The following CACHD1 variants were observed in gnomAD, a reference collection of about 807,000 sequenced individuals.
The protein encoded by CACHD1 is cache domain containing 1.
In CACHD1, 71 loss-of-function variants were observed where a neutral mutation model predicts 138.7. The ratio of observed to expected loss-of-function variants is 0.51; its 90% CI spans 0.42 to 0.62. The LOEUF is 0.62. Ranked by LOEUF, CACHD1 falls within the 20% of genes least tolerant of loss-of-function variation. CACHD1 has a pLI of 0.00. For missense variants in CACHD1, 1,389 were observed against 1,625.3 expected, an observed-to-expected ratio of 0.85 and a Z score of 2.50; for synonymous variants, 578 against 591.5, an observed-to-expected ratio of 0.98 and a Z score of 0.33.
At chr1:64,648,151 T>C (rs1648974822) in intron 9 of CACHD1, 117 bp downstream of exon 9, 1 of 748,242 alleles carries the variant, frequency 1.3e-6, no homozygotes, top group Admixed American at 2.3e-5. Context: ...GTCCTATATC[T>C]CTGTATTGTA....
At chr1:64,572,992 C>T (rs1646938184) in intron 2 of CACHD1, among the ~76,000 whole-genome samples, 1 of 152,192 alleles carries the variant, frequency 6.6e-6, no homozygotes, top group Non-Finnish European at 1.5e-5. Flanking sequence ...TGAGTAATTT[C>T]ATGAGGCCCA....
intron 9 of CACHD1, among the ~76,000 whole-genome samples, chr1:64,649,604 G>A (rs190000342): frequency 2.6e-5 from 4 of 152,188 alleles, no homozygotes; most frequent in East Asian, 3.9e-4. Flanking sequence ...AGTAATTCCC[G>A]TTAATACTGT....
At chr1:64,616,789 G>A (rs1372463499) in intron 4 of CACHD1, among the ~76,000 whole-genome samples, 3 of 151,924 alleles carry the variant, frequency 2.0e-5, no homozygotes, top group Non-Finnish European at 2.9e-5. Context: ...CCTGGGACCA[G>A]ACCATTAAGG....
rs147728747 is a variant in CACHD1 at position 64,679,600 on chromosome 1, G to A, written c.3250G>A (p.Glu1084Lys). 6.9e-5 allele frequency: 112 copies of A among 1,614,066 alleles called. No individual in the cohort carries two copies. In the African/African-American group the frequency reaches 1.3e-3, roughly 18 times the overall value. ...YVDDMGAIGD[E>K]VITLNMIKSA... The stretch of plus-strand genomic sequence containing the variant: ...TTCTTGCTCTTTCACTGAAGGTGAT[G>A]AGGTGATCACATTAAACATGATTAA... Residue 1084 changes from glutamate to lysine, a missense_variant, in exon 24 of 27, where the codon GAG (glutamate) becomes AAG (lysine). Transcript: ENST00000651257.
intron 1 of CACHD1, among the ~76,000 whole-genome samples, chr1:64,476,841 C>G (rs1040401762): frequency 1.3e-5 from 2 of 152,174 alleles, no homozygotes; most frequent in African/African-American, 4.8e-5. Context: ...TAACATGTTG[C>G]TGCTATTTCT....
At chr1:64,519,632 T>C (rs305571) in intron 1 of CACHD1, among the ~76,000 whole-genome samples, 146,003 of 152,300 alleles carry the variant, frequency 0.96, 70,014 homozygotes, top group African/African-American at 0.99. Context: ...TGAGCAGTTC[T>C]AGTTCACCAG....
At chr1:64,567,550 C>T (rs376302383) in intron 2 of CACHD1, among the ~76,000 whole-genome samples, 1 of 152,054 alleles carries the variant, frequency 6.6e-6, no homozygotes, top group African/African-American at 2.4e-5. Context: ...AGTTCTTCGC[C>T]TCATTTTGAG....
chr1:64,473,261 A>T (rs1186391946), intron 1 of CACHD1, among the ~76,000 whole-genome samples: 3 of 152,080 alleles, frequency 2.0e-5, no homozygotes, highest in Non-Finnish European at 2.9e-5. Flanking sequence ...TTGATCTGCC[A>T]CTTGCTTCTA....
Position 64,470,915 on chromosome 1 carries a change from C to CGAG in CACHD1, c.175_177dup (p.Glu59dup). On this transcript the variant is annotated inframe_insertion, in exon 1 of 27. Transcript: ENST00000651257. The surrounding 1 kb of genome is among the most constrained non-coding windows in gnomAD (Gnocchi z 5.2). ...CGAGCCAGATGCGGAGGCTGGCGGC[C>CGAG]GAGGAGCTGGGGGTCGTCACCATGC... 1 of 1,607,628 alleles carries CGAG rather than the reference C, an allele frequency of 6.2e-7. No homozygotes were observed. Among genetic ancestry groups the CGAG allele is most frequent in the Non-Finnish European group, 8.5e-7 (1 of 1,177,028 alleles).
In CACHD1 at chr1:64,509,762, C is replaced by T. The variant is rs150602207; in HGVS notation, c.198+38820C>T. On this transcript the variant is annotated intron_variant, in intron 1 of 26. Coordinates refer to ENST00000651257, the MANE Select transcript of CACHD1 (RefSeq NM_020925.4). Reference sequence around the variant, plus strand: ...CTAGATACCTATTTTAATATTGTGACATTTGCATCCCTTCTCAGTTTATTA... The same window carrying T: ...CTAGATACCTATTTTAATATTGTGATATTTGCATCCCTTCTCAGTTTATTA... 6.2e-3 allele frequency among the ~76,000 whole-genome samples: 940 copies of T among 152,214 alleles called. 1 individual carries two copies. Among genetic ancestry groups the T allele is most frequent in the Non-Finnish European group, 9.5e-3 (643 of 68,022 alleles).
At chr1:64,604,054 T>C (rs988321434) in intron 4 of CACHD1, among the ~76,000 whole-genome samples, 5 of 152,138 alleles carry the variant, frequency 3.3e-5, no homozygotes, top group African/African-American at 1.2e-4. Context: ...TGTAGACACA[T>C]AAAGCCGAAG....
At chr1:64,637,325 T>C (rs1233781835) in intron 7 of CACHD1, among the ~76,000 whole-genome samples, 1 of 152,226 alleles carries the variant, frequency 6.6e-6, no homozygotes, top group Non-Finnish European at 1.5e-5. Context: ...CATGGTCACA[T>C]GGACACATGC....
chr1:64,601,320 C>G (rs1388750700), intron 3 of CACHD1, among the ~76,000 whole-genome samples: 1 of 152,168 alleles, frequency 6.6e-6, no homozygotes, highest in Non-Finnish European at 1.5e-5. Flanking sequence ...GTGATAGTGC[C>G]TTGCCAGCAT....
rs114398878 is a variant in CACHD1, at chr1:64,652,932, A to G, written c.1540+622A>G. Among the ~76,000 whole-genome samples, 721 of 152,328 alleles carry G rather than the reference A, an allele frequency of 4.7e-3. 8 individuals are homozygous for G. Among genetic ancestry groups the G allele is most frequent in the African/African-American group, 0.016 (673 of 41,570 alleles). The stretch of plus-strand genomic sequence containing the variant: ...CCAAAGGAATGTCAATCGTTCTCTC[A>G]TAAAGACACCTGTATGTTCATTGCA... On this transcript the variant is annotated intron_variant, in intron 10 of 26. Transcript: ENST00000651257.
At position 64,675,956 on chromosome 1, in the gene CACHD1, C is replaced by T; in HGVS notation, c.2948C>T (p.Thr983Ile). ...CECPLEVNEC[T>I]GNLTNAENRN... is the part of the protein sequence containing the mutation. Reference sequence around the variant, plus strand: ...TGCCCTCTAGAGGTCAATGAGTGCACTGGCAACCTCACCAATGCAGAGAAC... The same window carrying T: ...TGCCCTCTAGAGGTCAATGAGTGCATTGGCAACCTCACCAATGCAGAGAAC... Residue 983 changes from threonine (T) to isoleucine (I), a missense_variant, in exon 21 of 27, where the codon ACT becomes ATT. By Grantham distance (89) the Thr-to-Ile change is moderately conservative. Coordinates refer to ENST00000651257, the MANE Select transcript of CACHD1 (RefSeq NM_020925.4). 2 of 1,449,280 alleles carry T rather than the reference C, an allele frequency of 1.4e-6. No homozygotes were observed. The highest frequency in any genetic ancestry group is 1.8e-6 in the Non-Finnish European group (2 of 1,087,702). The allele number at this position is 1,449,280 out of a possible 1,614,324, so 89.8% of individuals were successfully genotyped here.
At chr1:64,537,265 A>G (rs1317276606) in intron 1 of CACHD1, among the ~76,000 whole-genome samples, 2 of 10,006 alleles carry the variant, frequency 2.0e-4, no homozygotes, top group Non-Finnish European at 1.5e-3. Context: ...CCCTGCCCAG[A>G]AAAAAAAAAA....
At chr1:64,689,283 A>C (rs1286424952) in intron 26 of CACHD1, among the ~76,000 whole-genome samples, 1 of 152,196 alleles carries the variant, frequency 6.6e-6, no homozygotes, top group African/African-American at 2.4e-5. Flanking sequence ...AGCTGTGCAT[A>C]AACAAAATGT....
chr1:64,633,068 G>A lies in CACHD1; in HGVS notation c.789+325G>A, dbSNP rs919552531. Among the ~76,000 whole-genome samples the A allele has an allele frequency of 6.6e-5, 10 of 152,204 alleles. No homozygotes were observed. In the Middle Eastern group the frequency reaches 0.014, roughly 208 times the overall value. ...GTACACTGCAGAATACTATATCAGC[G>A]GTTCTCCTTTATGATTGCATGGCTG... is the stretch of plus-strand genomic sequence containing the variant. On this transcript the variant is annotated intron_variant, in intron 6 of 26. Coordinates refer to ENST00000651257, the MANE Select transcript of CACHD1 (RefSeq NM_020925.4).
intron 2 of CACHD1, among the ~76,000 whole-genome samples, chr1:64,554,809 CAG>C (rs1438344848): frequency 6.6e-6 from 1 of 152,070 alleles, no homozygotes. Context: ...GAGTAGCTAC[CAG>C]CCATGTATGA....
Sources: gnomAD v4.1 joint callset for allele counts (sites outside exome capture counted in the v4.1 genomes callset) on GRCh38, gnomAD v4.1.1 for gene constraint, Gnocchi (gnomAD v3.1) non-coding constraint, MANE v1.5 for transcripts, NCBI Gene and HGNC (gene_info 2026-07-23, HGNC 2026-07-21) for gene names.